KCNJ2: variants seen among roughly 807,000 people sequenced by gnomAD.
The protein encoded by KCNJ2 is inward rectifier potassium channel 2.
Under a neutral mutation model 28.4 loss-of-function variants are expected in KCNJ2, and 12 were observed. That is an observed-to-expected ratio of 0.42 (90% CI 0.27 to 0.68). The LOEUF (loss-of-function observed/expected upper bound fraction) is 0.68, where lower values mean the gene tolerates loss of function less well. KCNJ2 is among the 30% of genes least tolerant of loss of function. KCNJ2 has a pLI of 0.23. For missense variants in KCNJ2, 320 were observed against 551.3 expected, an observed-to-expected ratio of 0.58 and a Z score of 4.20; for synonymous variants, 200 against 203.2, an observed-to-expected ratio of 0.98 and a Z score of 0.13.
chr17:70,170,689 C>A (rs541923600), intron 1 of KCNJ2, among the ~76,000 whole-genome samples: 7 of 152,248 alleles, frequency 4.6e-5, no homozygotes, highest in African/African-American at 1.2e-4. Flanking sequence ...GATTTCCTCT[C>A]GCCAACCAAT....
chr17:70,179,782 A>G lies in KCNJ2; in HGVS notation c.*3459A>G, dbSNP rs1230659511. 1 of 166,988 alleles carries G rather than the reference A, an allele frequency of 6.0e-6. No individual in the cohort carries two copies. Among genetic ancestry groups the G allele is most frequent in the African/African-American group, 2.4e-5 (1 of 41,436 alleles). 10.3% of individuals were successfully genotyped at this position (166,988 alleles called of 1,614,324 possible). On this transcript the variant is annotated 3_prime_UTR_variant, in exon 2 of 2. Transcript: ENST00000243457. ...TCTAATAATGTTAAGGTGGGAAAAA[A>G]AAAAGTGTGGCATAGCTACCTGCCC...
At chr17:70,172,920 G>A (rs909910592) in intron 1 of KCNJ2, among the ~76,000 whole-genome samples, 1 of 152,148 alleles carries the variant, frequency 6.6e-6, no homozygotes, top group Admixed American at 6.5e-5. Context: ...CTAGAACTTC[G>A]AGGGGCAGGA....
intron 1 of KCNJ2, among the ~76,000 whole-genome samples, chr17:70,172,745 A>C (rs2074371874): frequency 6.6e-6 from 1 of 152,226 alleles, no homozygotes; most frequent in Admixed American, 6.5e-5. Context: ...CAAAGTTCTG[A>C]AGTCAATCAG....
At chr17:70,174,060 C>T (rs1255018289) in intron 1 of KCNJ2, among the ~76,000 whole-genome samples, 1 of 152,206 alleles carries the variant, frequency 6.6e-6, no homozygotes, top group East Asian at 1.9e-4. Context: ...AGTGATGAAG[C>T]AAGCCCAAAC....
chr17:70,174,757 T>A (rs1486802714), intron 1 of KCNJ2, 67 bp from the exon 2 acceptor site: 3 of 484,306 alleles, frequency 6.2e-6, no homozygotes, highest in Non-Finnish European at 7.5e-6. Flanking sequence ...TAGGATATAT[T>A]GTCTTAGACA....
Position 70,176,682 on chromosome 17 carries a change from G to A in KCNJ2, c.*359G>A. The A allele has an allele frequency of 3.3e-6, 1 of 301,660 alleles. No individual in the cohort carries two copies. The highest frequency in any genetic ancestry group is 8.2e-5 in the East Asian group (1 of 12,164). The allele number at this position is 301,660 out of a possible 1,614,324, so 18.7% of individuals were successfully genotyped here. Reference sequence around the variant, plus strand: ...GGATGTTTTTAATGGCATAACAAAGGCAAGACTCTGCCTTAATTTTTGAAA... The same window carrying A: ...GGATGTTTTTAATGGCATAACAAAGACAAGACTCTGCCTTAATTTTTGAAA... On this transcript the variant is annotated 3_prime_UTR_variant, in exon 2 of 2. Transcript: ENST00000243457.
intron 1 of KCNJ2, among the ~76,000 whole-genome samples, chr17:70,170,089 G>T (rs763813776): frequency 4.6e-5 from 7 of 152,012 alleles, no homozygotes; most frequent in Non-Finnish European, 8.8e-5. Context: ...GTGGTTGCGG[G>T]TTTGGGGGTG....
At chr17:70,173,981 A>G (rs2074378187) in intron 1 of KCNJ2, among the ~76,000 whole-genome samples, 1 of 152,226 alleles carries the variant, frequency 6.6e-6, no homozygotes. Context: ...AGAGTCTTCA[A>G]GCCAGAATTA....
At chr17:70,170,668 A>G (rs931672022) in intron 1 of KCNJ2, among the ~76,000 whole-genome samples, 2 of 152,246 alleles carry the variant, frequency 1.3e-5, no homozygotes, top group Non-Finnish European at 2.9e-5. Flanking sequence ...TTAATAATCA[A>G]TAGGCTGCCA....
chr17:70,171,265 T>G (rs1203720199), intron 1 of KCNJ2, among the ~76,000 whole-genome samples: 1 of 123,588 alleles, frequency 8.1e-6, no homozygotes. Context: ...CCCTCCCCAC[T>G]TCCCCCTCCT....
rs1240310788 is a variant in KCNJ2 at position 70,175,778 on chromosome 17, C to G, written c.739C>G (p.Gln247Glu). The change falls in exon 2 of 2, where the codon CAA becomes GAA. Residue 247 changes from glutamine (Q) to glutamate (E), a missense_variant. Gln to Glu is a conservative substitution (Grantham distance 29). Around this residue, in one of 3 missense-constraint regions of KCNJ2, gnomAD observed 155 missense variants for 231.6 expected, o/e 0.67. Transcript: ENST00000243457. The surrounding 1 kb of genome is among the most constrained non-coding windows in gnomAD (Gnocchi z 8.3). ...TSEGEYIPLD[Q>E]IDINVGFDSG... ...TGAAGGGGAGTATATCCCTCTGGATCAAATAGACATCAATGTTGGGTTTGA... is the reference window on the plus strand; with the variant it reads ...TGAAGGGGAGTATATCCCTCTGGATGAAATAGACATCAATGTTGGGTTTGA... 6.2e-7 allele frequency: 1 copy of G among 1,614,068 alleles called. No homozygotes were observed. The highest frequency in any genetic ancestry group is 8.5e-7 in the Non-Finnish European group (1 of 1,180,046).
chr17:70,177,689 T>A lies in KCNJ2; in HGVS notation c.*1366T>A, dbSNP rs761474898. ...AACAGGGAGGTGTGGACAAGCCAGT[T>A]TGATGCAGCACTTCAGATCAAGTGC... On this transcript the variant is annotated 3_prime_UTR_variant, in exon 2 of 2. Transcript: ENST00000243457. 6.0e-5 allele frequency: 10 copies of A among 167,282 alleles called. No homozygotes were observed. The highest frequency in any genetic ancestry group is 8.8e-5 in the Non-Finnish European group (6 of 68,176). The allele number at this position is 167,282 out of a possible 1,614,324, so 10.4% of individuals were successfully genotyped here. A position where few individuals can be genotyped will look rare whatever the true frequency, so the allele number is the denominator to read the frequency against.
chr17:70,174,753 A>G, intron 1 of KCNJ2, 71 bp from the exon 2 acceptor site: 1 of 478,098 alleles, frequency 2.1e-6, no homozygotes, highest in South Asian at 2.2e-5. Context: ...TTGTTAGGAT[A>G]TATTGTCTTA....
chr17:70,177,141 C>G lies in KCNJ2; in HGVS notation c.*818C>G. The G allele has an allele frequency of 6.0e-6, 1 of 167,210 alleles. No homozygotes were observed. 10.4% of individuals were successfully genotyped at this position (167,210 alleles called of 1,614,324 possible). A position where few individuals can be genotyped will look rare whatever the true frequency, so the allele number is the denominator to read the frequency against. ...AAGAGACAATAACTTTGAACCTCAG[C>G]AAGACCTTGAACCGCCGGTTCATTT... is the stretch of plus-strand genomic sequence containing the variant. On this transcript the variant is annotated 3_prime_UTR_variant, in exon 2 of 2. Coordinates refer to ENST00000243457, the MANE Select transcript of KCNJ2 (RefSeq NM_000891.3).
chr17:70,179,733 G>C lies in KCNJ2; in HGVS notation c.*3410G>C, dbSNP rs1449490022. 2 of 166,720 alleles carry C rather than the reference G, an allele frequency of 1.2e-5. No homozygotes were observed. Among genetic ancestry groups the C allele is most frequent in the Admixed American group, 6.6e-5 (1 of 15,266 alleles). The allele number at this position is 166,720 out of a possible 1,614,324, so 10.3% of individuals were successfully genotyped here. ...AAGCAAAAGCTTGTCCTGAGAAGTA[G>C]AGTGAGTTCTTTTTCACTCTGTGTC... On this transcript the variant is annotated 3_prime_UTR_variant, in exon 2 of 2. Coordinates refer to ENST00000243457, the MANE Select transcript of KCNJ2 (RefSeq NM_000891.3).
rs1301344296 is a variant in KCNJ2 at position 70,177,233 on chromosome 17, T to G, written c.*910T>G. The G allele has an allele frequency of 1.8e-5, 3 of 166,894 alleles. No individual in the cohort carries two copies. Among genetic ancestry groups the G allele is most frequent in the Non-Finnish European group, 2.9e-5 (2 of 68,138 alleles). 10.3% of individuals were successfully genotyped at this position (166,894 alleles called of 1,614,324 possible). A position where few individuals can be genotyped will look rare whatever the true frequency, so the allele number is the denominator to read the frequency against. The stretch of plus-strand genomic sequence containing the variant: ...TAGTCAGTGTAGTGCTTTTAAAAAT[T>G]TTGTCCTTTCATGTAACTTTTTTAT... On this transcript the variant is annotated 3_prime_UTR_variant, in exon 2 of 2. Transcript: ENST00000243457.
chr17:70,172,312 CAAA>C (rs60636682), intron 1 of KCNJ2, among the ~76,000 whole-genome samples: 7,865 of 85,666 alleles, frequency 0.092, 140 homozygotes, highest in African/African-American at 0.13. Flanking sequence ...TTCTTTTTGC[CAAA>C]AAAAAAAAAA....
At position 70,175,278 on chromosome 17, in the gene KCNJ2, G is replaced by A. The variant is rs2144376668; in HGVS notation, c.239G>A (p.Arg80His). Residue 80 changes from arginine (R) to histidine (H), a missense_variant, in exon 2 of 2, where the codon CGC becomes CAC. This residue lies in a region of KCNJ2 where 111 missense variants were observed against 256.7 expected (regional missense o/e 0.43). Coordinates refer to ENST00000243457, the MANE Select transcript of KCNJ2 (RefSeq NM_000891.3). This position sits in a 1 kb window ranked among gnomAD's most constrained non-coding sequence, Gnocchi z 8.3. ...ATCTTCACCACGTGTGTGGACATTC[G>A]CTGGCGGTGGATGCTGGTTATCTTC... ...ADIFTTCVDI[R>H]WRWMLVIFCL... The A allele has an allele frequency of 1.9e-6, 3 of 1,614,236 alleles. No individual in the cohort carries two copies. The highest frequency in any genetic ancestry group is 2.2e-5 in the East Asian group (1 of 44,894).
In KCNJ2 at chr17:70,175,238, C is replaced by T. The variant is rs104894580; in HGVS notation, c.199C>T (p.Arg67Trp). The T allele has an allele frequency of 6.2e-7, 1 of 1,614,198 alleles. No homozygotes were observed. The highest frequency in any genetic ancestry group is 8.5e-7 in the Non-Finnish European group (1 of 1,180,038). Residue 67 changes from arginine (R) to tryptophan (W), a missense_variant, in exon 2 of 2, where the codon CGG (arginine) becomes TGG (tryptophan). By Grantham distance (101) the Arg-to-Trp change is moderately radical. Coordinates refer to ENST00000243457, the MANE Select transcript of KCNJ2 (RefSeq NM_000891.3). The surrounding 1 kb of genome is among the most constrained non-coding windows in gnomAD (Gnocchi z 8.3). ...QFINVGEKGQ[R>W]YLADIFTTCV... ...CATCAATGTGGGTGAGAAGGGGCAACGGTACCTCGCAGACATCTTCACCAC... is the reference window on the plus strand; with the variant it reads ...CATCAATGTGGGTGAGAAGGGGCAATGGTACCTCGCAGACATCTTCACCAC...
Sources: allele counts gnomAD v4.1 joint callset (sites outside exome capture counted in the v4.1 genomes callset), GRCh38; gene constraint gnomAD v4.1.1; regional missense constraint gnomAD v4.1.1; non-coding constraint Gnocchi (gnomAD v3.1); transcripts MANE v1.5; gene names NCBI Gene and HGNC (gene_info 2026-07-23, HGNC 2026-07-21).